Variants in DNMT3A observed in about 807,000 individuals in gnomAD.
DNMT3A encodes DNA methyltransferase 3 alpha.
DNMT3A carries 267 observed loss-of-function variants against 117.6 expected under a neutral mutation model. That is an observed-to-expected ratio of 2.27 (90% CI 2.05 to 2.51). The LOEUF is 2.51. Ranked by LOEUF, DNMT3A falls within the 30% of genes most tolerant of loss-of-function variation. The pLI is 0.00. For synonymous variants in DNMT3A, 432 were observed against 474.8 expected, an observed-to-expected ratio of 0.91 and a Z score of 1.17; for missense variants, 1,029 against 1,260.2, an observed-to-expected ratio of 0.82 and a Z score of 2.78.
Position 25,236,446 on chromosome 2 carries a change from T to TA in DNMT3A, c.2478+489dup, listed in dbSNP as rs1673380915. On this transcript the variant is annotated intron_variant, in intron 21 of 22. Coordinates refer to ENST00000321117, the MANE Select transcript of DNMT3A (RefSeq NM_022552.5). This position sits in a 1 kb window ranked among gnomAD's most constrained non-coding sequence, Gnocchi z 4.5. The stretch of plus-strand genomic sequence containing the variant: ...AGAATTAGTTCTTTCAGAGATGGAG[T>TA]AACTTGTAGGCTAAAGGATGCCAAG... Among the ~76,000 whole-genome samples the TA allele has an allele frequency of 6.6e-6, 1 of 152,088 alleles. No individual in the cohort carries two copies. The highest frequency in any genetic ancestry group is 2.1e-4 in the South Asian group (1 of 4,828).
rs2032906600 is a variant in DNMT3A at position 25,293,435 on chromosome 2, A to G, written c.177+6704T>C. On this transcript the variant is annotated intron_variant, in intron 3 of 22. Transcript: ENST00000321117. The surrounding 1 kb of genome is among the most constrained non-coding windows in gnomAD (Gnocchi z 4.7). ...ATAACACATTTTTCAGAGAGGATAA[A>G]GAGTAAAAGCCCCTCAGGCTGCCTG... 6.6e-6 allele frequency among the ~76,000 whole-genome samples: 1 copy of G among 152,212 alleles called. No individual in the cohort carries two copies. Among genetic ancestry groups the G allele is most frequent in the African/African-American group, 2.4e-5 (1 of 41,442 alleles).
At position 25,281,290 on chromosome 2, in the gene DNMT3A, G is replaced by A. The variant is rs1047624497; in HGVS notation, c.448+1151C>T. On this transcript the variant is annotated intron_variant, in intron 4 of 22. Transcript: ENST00000321117. This position sits in a 1 kb window ranked among gnomAD's most constrained non-coding sequence, Gnocchi z 4.8. ...TGAGCAAGTCACATCATTGTTTTAA[G>A]CCTCAATATTTTTCTCCTGAAATGA... Among the ~76,000 whole-genome samples the A allele has an allele frequency of 6.6e-6, 1 of 152,278 alleles. No homozygotes were observed. Among genetic ancestry groups the A allele is most frequent in the South Asian group, 2.1e-4 (1 of 4,830 alleles).
chr2:25,238,453 C>T (rs1032702361), intron 20 of DNMT3A, among the ~76,000 whole-genome samples: 10 of 152,176 alleles, frequency 6.6e-5, no homozygotes, highest in Admixed American at 4.6e-4. Flanking sequence ...CTCTGGAAAA[C>T]GCTTCCCTCC....
In DNMT3A at chr2:25,234,137, T is replaced by C; in HGVS notation, c.*142A>G. Reference sequence around the variant, plus strand: ...AAGCCCTCCGGTATTTCCGCCTCTGTGGTTTTTGTTTTAAATTCCTTTTTC... The same window carrying C: ...AAGCCCTCCGGTATTTCCGCCTCTGCGGTTTTTGTTTTAAATTCCTTTTTC... On this transcript the variant is annotated 3_prime_UTR_variant, in exon 23 of 23. Transcript: ENST00000321117. This position sits in a 1 kb window ranked among gnomAD's most constrained non-coding sequence, Gnocchi z 4.5. 7.6e-7 allele frequency: 1 copy of C among 1,307,780 alleles called. No individual in the cohort carries two copies. The highest frequency in any genetic ancestry group is 1.0e-6 in the Non-Finnish European group (1 of 988,250). The allele number at this position is 1,307,780 out of a possible 1,614,324, so 81.0% of individuals were successfully genotyped here.
At chr2:25,334,420 G>T (rs1414694349) in intron 1 of DNMT3A, among the ~76,000 whole-genome samples, 2 of 152,160 alleles carry the variant, frequency 1.3e-5, no homozygotes, top group Non-Finnish European at 2.9e-5. Flanking sequence ...GCCCCACTTT[G>T]TCTCCCTTGG....
chr2:25,331,170 C>T (rs754146458), intron 1 of DNMT3A, among the ~76,000 whole-genome samples: 42 of 152,212 alleles, frequency 2.8e-4, no homozygotes, highest in Non-Finnish European at 5.3e-4. Flanking sequence ...TCCAATGACA[C>T]GCAGCAAGGA....
chr2:25,246,488 A>G (rs62129155), intron 10 of DNMT3A, 132 bp downstream of exon 10: 1 of 1,453,534 alleles, frequency 6.9e-7, no homozygotes, highest in Non-Finnish European at 9.2e-7. Context: ...CCAGGGCAAG[A>G]GAGACCCCGG....
rs76296981 is a variant in DNMT3A, at chr2:25,254,951, C to T, written c.640-6699G>A. On this transcript the variant is annotated intron_variant, in intron 6 of 22. Coordinates refer to ENST00000321117, the MANE Select transcript of DNMT3A (RefSeq NM_022552.5). This position sits in a 1 kb window ranked among gnomAD's most constrained non-coding sequence, Gnocchi z 4.7. ...CCACATATTAGGTAGCTGTTCCCTC[C>T]GGCCGTCAAACTTCCTTATTCTCAT... Among the ~76,000 whole-genome samples, 5 of 152,278 alleles carry T rather than the reference C, an allele frequency of 3.3e-5. No individual in the cohort carries two copies. Among genetic ancestry groups the T allele is most frequent in the African/African-American group, 7.2e-5 (3 of 41,544 alleles).
intron 1 of DNMT3A, among the ~76,000 whole-genome samples, chr2:25,323,348 C>A (rs989016451): frequency 5.9e-5 from 9 of 152,138 alleles, no homozygotes; most frequent in African/African-American, 9.7e-5. Context: ...TCTGAACTTC[C>A]GGGGACTGTG....
At position 25,234,415 on chromosome 2, in the gene DNMT3A, A is replaced by C; in HGVS notation, c.2603T>G (p.Phe868Cys). 1 of 1,613,110 alleles carries C rather than the reference A, an allele frequency of 6.2e-7. No homozygotes were observed. The highest frequency in any genetic ancestry group is 8.5e-7 in the Non-Finnish European group (1 of 1,179,424). The change falls in exon 23 of 23, where the codon TTT (phenylalanine) becomes TGT (cysteine). Residue 868 changes from phenylalanine to cysteine, a missense_variant. Coordinates refer to ENST00000321117, the MANE Select transcript of DNMT3A (RefSeq NM_022552.5). This position sits in a 1 kb window ranked among gnomAD's most constrained non-coding sequence, Gnocchi z 4.5. Reference sequence around the variant, plus strand: ...GTCAGTATAGTGGACTGGGAAACCAAATACCCTGGGGGAGAAAAGGCAGAG... The same window carrying C: ...GTCAGTATAGTGGACTGGGAAACCACATACCCTGGGGGAGAAAAGGCAGAG... ...ILWCTEMERV[F>C]GFPVHYTDVS...
chr2:25,313,850 C>G, intron 2 of DNMT3A, 63 bp downstream of exon 2: 1 of 1,548,040 alleles, frequency 6.5e-7, no homozygotes, highest in Non-Finnish European at 8.7e-7. Flanking sequence ...CGGCTGTCAT[C>G]ACATAGGGAC....
chr2:25,270,509 C>T (rs911787941), intron 6 of DNMT3A, among the ~76,000 whole-genome samples: 4 of 152,310 alleles, frequency 2.6e-5, no homozygotes, highest in Non-Finnish European at 2.9e-5. Context: ...GATTAGGAAG[C>T]GCTGGCTGGC....
chr2:25,261,828 CT>C (rs988639509), intron 6 of DNMT3A, among the ~76,000 whole-genome samples: 4 of 151,968 alleles, frequency 2.6e-5, no homozygotes, highest in African/African-American at 9.7e-5. Flanking sequence ...GCTTTCTGTG[CT>C]TTCTCTCCCT....
chr2:25,315,290 T>C (rs1573484612), intron 1 of DNMT3A, among the ~76,000 whole-genome samples: 1 of 152,126 alleles, frequency 6.6e-6, no homozygotes, highest in South Asian at 2.1e-4. Context: ...TCTCCAGGGG[T>C]GCATTCTTGC....
At chr2:25,333,409 A>T (rs1305316966) in intron 1 of DNMT3A, among the ~76,000 whole-genome samples, 1 of 151,436 alleles carries the variant, frequency 6.6e-6, no homozygotes, top group Non-Finnish European at 1.5e-5. Context: ...GGCTCACTGC[A>T]ACCTCCACCT....
chr2:25,273,300 C>CAGGG (rs1321147271), intron 6 of DNMT3A, among the ~76,000 whole-genome samples: 1 of 151,918 alleles, frequency 6.6e-6, no homozygotes, highest in East Asian at 1.9e-4. Context: ...TTGGTAGAGA[C>CAGGG]AGGGGTTCAC....
At chr2:25,309,691 T>C (rs1231045798) in intron 2 of DNMT3A, among the ~76,000 whole-genome samples, 1 of 152,190 alleles carries the variant, frequency 6.6e-6, no homozygotes, top group Non-Finnish European at 1.5e-5. Flanking sequence ...TCTCTGAGCT[T>C]CAGTTTAGCC....
At chr2:25,268,315 G>A (rs903359587) in intron 6 of DNMT3A, among the ~76,000 whole-genome samples, 12 of 152,150 alleles carry the variant, frequency 7.9e-5, no homozygotes, top group Non-Finnish European at 1.5e-4. Flanking sequence ...TTTAGAATCC[G>A]GCTGGGGTGA....
At chr2:25,270,003 C>A (rs1375802273) in intron 6 of DNMT3A, among the ~76,000 whole-genome samples, 1 of 152,082 alleles carries the variant, frequency 6.6e-6, no homozygotes, top group Non-Finnish European at 1.5e-5. Context: ...AGGGAAGAAG[C>A]CCCCCAGGTG....
Sources: allele counts gnomAD v4.1 joint callset (sites outside exome capture counted in the v4.1 genomes callset), GRCh38; gene constraint gnomAD v4.1.1; non-coding constraint Gnocchi (gnomAD v3.1); transcripts MANE v1.5; gene names NCBI Gene and HGNC (gene_info 2026-07-23, HGNC 2026-07-21).